TTBK2: variants seen among roughly 807,000 people sequenced by gnomAD.
TTBK2 encodes the protein tau tubulin kinase 2, also known as tau-tubulin kinase 2.
Under a neutral mutation model 110.8 loss-of-function variants are expected in TTBK2, and 28 were observed. The ratio of observed to expected loss-of-function variants is 0.25; its 90% CI spans 0.19 to 0.35. The LOEUF (loss-of-function observed/expected upper bound fraction) is 0.35, where lower values mean the gene tolerates loss of function less well. Among genes scored for constraint, TTBK2 ranks in the 10% least tolerant of loss-of-function variants. TTBK2 has a pLI of 1.00. For synonymous variants in TTBK2, 532 were observed against 527.3 expected (o/e 1.01, Z -0.12); for missense variants, 1,369 against 1,500.3 (o/e 0.91, Z 1.45).
intron 3 of TTBK2, chr15:42,871,627 GAAC>G (rs767247893): frequency 1.0e-4 from 98 of 978,290 alleles, no homozygotes; most frequent in Non-Finnish European, 1.2e-4. Flanking sequence ...ACTGAGTTGA[GAAC>G]AACAACTCAA....
intron 7 of TTBK2, among the ~76,000 whole-genome samples, 158 bp downstream of exon 7, chr15:42,816,874 G>GGT (rs1389846813): frequency 1.3e-5 from 2 of 151,620 alleles, no homozygotes; most frequent in Admixed American, 6.6e-5. Context: ...AGCCAAGATC[G>GGT]GGCCACTGCA....
intron 3 of TTBK2, among the ~76,000 whole-genome samples, chr15:42,855,978 A>G (rs1309055498): frequency 2.0e-5 from 3 of 152,174 alleles, no homozygotes; most frequent in Non-Finnish European, 4.4e-5. Flanking sequence ...CACCATGCCC[A>G]GCCAAGACCA....
In TTBK2 at chr15:42,798,254, T is replaced by C. The variant is rs947682110; in HGVS notation, c.823-3453A>G. 5 of 456,260 alleles carry C rather than the reference T, an allele frequency of 1.1e-5. No individual in the cohort carries two copies. The Admixed American group carries it at 1.2e-4, about 11-fold the overall frequency. 28.3% of individuals were successfully genotyped at this position (456,260 alleles called of 1,614,324 possible). A position where few individuals can be genotyped will look rare whatever the true frequency, so the allele number is the denominator to read the frequency against. The stretch of plus-strand genomic sequence containing the variant: ...TTCCCATCAGAACAGGGACTCACTG[T>C]GGCAGTAATTCTCAAACTGGAAAGG... On this transcript the variant is annotated intron_variant, in intron 9 of 14. Coordinates refer to ENST00000267890, the MANE Select transcript of TTBK2 (RefSeq NM_173500.4).
At chr15:42,864,613 G>T (rs1037057399) in intron 3 of TTBK2, among the ~76,000 whole-genome samples, 17 of 151,908 alleles carry the variant, frequency 1.1e-4, no homozygotes, top group Admixed American at 7.2e-4. Context: ...AGTGTTCAGA[G>T]AAAAACTCAC....
intron 2 of TTBK2, among the ~76,000 whole-genome samples, chr15:42,874,220 C>G (rs144137749): frequency 3.4e-4 from 52 of 152,224 alleles, no homozygotes; most frequent in African/African-American, 1.2e-3. Flanking sequence ...CCTTGTGTCC[C>G]CCATAGCATT....
intron 1 of TTBK2, among the ~76,000 whole-genome samples, chr15:42,916,524 G>A (rs1003019437): frequency 5.9e-5 from 9 of 152,020 alleles, no homozygotes; most frequent in Admixed American, 5.2e-4. Flanking sequence ...ATGCGGTTTC[G>A]CCACGTTGGC....
intron 7 of TTBK2, among the ~76,000 whole-genome samples, chr15:42,815,940 A>ATT (rs1891947227): frequency 3.3e-5 from 1 of 30,576 alleles, no homozygotes; most frequent in Non-Finnish European, 5.4e-5. Context: ...AAATATATAT[A>ATT]TATATATTTA....
chr15:42,876,479 G>T (rs868297445), intron 2 of TTBK2, among the ~76,000 whole-genome samples: 1 of 152,138 alleles, frequency 6.6e-6, no homozygotes, highest in Non-Finnish European at 1.5e-5. Flanking sequence ...AGCAACTGCT[G>T]AATCTCCCTG....
chr15:42,894,295 A>T (rs890904394), intron 1 of TTBK2, among the ~76,000 whole-genome samples: 11 of 152,140 alleles, frequency 7.2e-5, no homozygotes, highest in Admixed American at 5.2e-4. Flanking sequence ...CTTTATTAGC[A>T]GTGTGAGAAT....
At chr15:42,750,550 A>G (rs543707002) in intron 14 of TTBK2, among the ~76,000 whole-genome samples, 205 of 152,240 alleles carry the variant, frequency 1.3e-3, no homozygotes, top group African/African-American at 4.8e-3. Flanking sequence ...GACAATGGAA[A>G]GTATTGAGTC....
intron 14 of TTBK2, 133 bp downstream of exon 14, chr15:42,751,841 A>G (rs1595876219): frequency 4.5e-6 from 5 of 1,107,582 alleles, no homozygotes; most frequent in Middle Eastern, 2.8e-4. Context: ...ACTAGGCTGT[A>G]AGGCCTGGGA....
intron 4 of TTBK2, among the ~76,000 whole-genome samples, chr15:42,837,657 CA>C (rs35898464): frequency 0.068 from 2,727 of 40,010 alleles, 7 homozygotes; most frequent in South Asian, 0.14. Context: ...GACTCTGTCT[CA>C]AAAAAAAAAA....
At position 42,825,927 on chromosome 15, in the gene TTBK2, G is replaced by A. The variant is rs16957205; in HGVS notation, c.537+2001C>T. 1.1e-3 allele frequency among the ~76,000 whole-genome samples: 172 copies of A among 151,824 alleles called. 2 individuals are homozygous for A. In the East Asian group the frequency reaches 0.014, roughly 12 times the overall value. On this transcript the variant is annotated intron_variant, in intron 6 of 14. Transcript: ENST00000267890. ...AGGACCCACAGCATGCTTCTAAGAC[G>A]GTAACATGCCATTTCTTAACCTAGA...
intron 13 of TTBK2, among the ~76,000 whole-genome samples, chr15:42,763,349 G>C (rs1466025034): frequency 1.4e-5 from 2 of 147,800 alleles, no homozygotes; most frequent in Non-Finnish European, 3.0e-5. Flanking sequence ...AAGTAGCTGG[G>C]ATTACAAGCA....
At chr15:42,814,064 C>T (rs927462050) in intron 7 of TTBK2, among the ~76,000 whole-genome samples, 2 of 151,768 alleles carry the variant, frequency 1.3e-5, no homozygotes, top group Non-Finnish European at 2.9e-5. Context: ...GTCGTCAGCC[C>T]GGGCTGGAGT....
intron 3 of TTBK2, among the ~76,000 whole-genome samples, chr15:42,850,212 G>A (rs1297406622): frequency 6.6e-6 from 1 of 152,184 alleles, no homozygotes; most frequent in Non-Finnish European, 1.5e-5. Context: ...GAAAAAAAGA[G>A]AGAAAGATGT....
intron 1 of TTBK2, among the ~76,000 whole-genome samples, chr15:42,879,882 A>G (rs947489435): frequency 1.3e-5 from 2 of 151,912 alleles, no homozygotes; most frequent in Non-Finnish European, 2.9e-5. Flanking sequence ...TCGTAATCCC[A>G]GCTACTCAGG....
intron 4 of TTBK2, among the ~76,000 whole-genome samples, chr15:42,832,902 G>C (rs1040900891): frequency 2.0e-5 from 3 of 152,048 alleles, no homozygotes; most frequent in Admixed American, 6.6e-5. Context: ...AGATAAGGGG[G>C]TACTATTGTA....
Position 42,763,143 on chromosome 15 carries a change from C to CATATATATATACACAT in TTBK2, c.1999-9897_1999-9896insATGTGTATATATATAT, listed in dbSNP as rs2062063829. ...ACACATATATATACATATATACATA[C>CATATATATATACACAT]ATATATATATATACATATATATATA... On this transcript the variant is annotated intron_variant, in intron 13 of 14. Coordinates refer to ENST00000267890, the MANE Select transcript of TTBK2 (RefSeq NM_173500.4). Among the ~76,000 whole-genome samples, 79 of 51,160 alleles carry CATATATATATACACAT rather than the reference C, an allele frequency of 1.5e-3. 1 individual carries two copies. The highest frequency in any genetic ancestry group is 2.0e-3 in the Non-Finnish European group (65 of 32,612). The allele number at this position is 51,160 out of a possible 152,430, so 33.6% of individuals were successfully genotyped here.
Sources: allele counts gnomAD v4.1 joint callset (sites outside exome capture counted in the v4.1 genomes callset), GRCh38; gene constraint gnomAD v4.1.1; transcripts MANE v1.5; gene names NCBI Gene and HGNC (gene_info 2026-07-23, HGNC 2026-07-21).